Variants in IFT43 observed in about 807,000 individuals in gnomAD.
IFT43 encodes intraflagellar transport 43, also known as intraflagellar transport protein 43 homolog.
Under a neutral mutation model 32.3 loss-of-function variants are expected in IFT43, and 33 were observed. The ratio of observed to expected loss-of-function variants is 1.02; its 90% CI spans 0.77 to 1.37. IFT43 has a LOEUF of 1.37. Ranked by LOEUF, IFT43 falls within the 40% of genes most tolerant of loss-of-function variation. The probability of loss-of-function intolerance (pLI) is 0.00; values close to 1 mark genes in which losing one functional copy is unlikely to be tolerated. For synonymous variants in IFT43, 93 were observed against 98.2 expected (o/e 0.95, Z 0.31); for missense variants, 274 against 265.9 (o/e 1.03, Z -0.21).
chr14:75,988,409 T>G (rs1010516715), intron 1 of IFT43, among the ~76,000 whole-genome samples: 3 of 152,168 alleles, frequency 2.0e-5, no homozygotes, highest in African/African-American at 7.2e-5. Context: ...GTGCTTTGTT[T>G]TAAGGGGTTT....
chr14:76,049,912 T>C (rs2036882205), intron 3 of IFT43, among the ~76,000 whole-genome samples: 1 of 152,206 alleles, frequency 6.6e-6, no homozygotes, highest in African/African-American at 2.4e-5. Flanking sequence ...TGTATGTATT[T>C]ATAGAGTTGA....
Position 76,058,680 on chromosome 14 carries a change from T to A in IFT43, c.248+6T>A, listed in dbSNP as rs1490822888. The A allele has an allele frequency of 6.2e-7, 1 of 1,611,398 alleles. No homozygotes were observed. The highest frequency in any genetic ancestry group is 8.5e-7 in the Non-Finnish European group (1 of 1,178,642). ...GCTTCTGAAGAAATAGAAGAGTACG[T>A]TTCCAGTATTCTTATTCTTATGGTA... On this transcript the variant is annotated splice_donor_region_variant and intron_variant, in intron 4 of 8. Transcript: ENST00000314067.
At chr14:76,049,324 A>G (rs570870051) in intron 3 of IFT43, among the ~76,000 whole-genome samples, 1 of 152,214 alleles carries the variant, frequency 6.6e-6, no homozygotes. Flanking sequence ...CTCCATTTAC[A>G]GCCAGTGTTT....
intron 5 of IFT43, among the ~76,000 whole-genome samples, chr14:76,060,704 A>T (rs1010734137): frequency 6.6e-6 from 1 of 152,002 alleles, no homozygotes; most frequent in Non-Finnish European, 1.5e-5. Flanking sequence ...TGAAAATGTC[A>T]TCTTCAACTT....
chr14:76,029,430 A>G (rs1325310950), intron 3 of IFT43, among the ~76,000 whole-genome samples: 1 of 152,144 alleles, frequency 6.6e-6, no homozygotes, highest in Non-Finnish European at 1.5e-5. Flanking sequence ...CCCTGTTGAT[A>G]GTTTCTCTTG....
rs148957382 is a variant in IFT43, at chr14:76,029,153, T to C, written c.215+6759T>C. On this transcript the variant is annotated intron_variant, in intron 3 of 8. Coordinates refer to ENST00000314067, the MANE Select transcript of IFT43 (RefSeq NM_001102564.3). The stretch of plus-strand genomic sequence containing the variant: ...CTGTTATTTTTTGACTTTTTAACAA[T>C]AGCCATTCTGACAGGTATGAGATGG... Among the ~76,000 whole-genome samples the C allele has an allele frequency of 3.9e-3, 597 of 152,308 alleles. 4 individuals carry two copies. Among genetic ancestry groups the C allele is most frequent in the African/African-American group, 0.013 (549 of 41,576 alleles).
chr14:76,000,038 C>T (rs754475365), intron 2 of IFT43, among the ~76,000 whole-genome samples: 4 of 152,194 alleles, frequency 2.6e-5, no homozygotes, highest in African/African-American at 4.8e-5. Flanking sequence ...GTGATGAAGG[C>T]ATCAACCAAG....
At chr14:76,062,685 G>A (rs985002660) in intron 5 of IFT43, among the ~76,000 whole-genome samples, 1 of 104,232 alleles carries the variant, frequency 9.6e-6, no homozygotes, top group Non-Finnish European at 1.9e-5. Flanking sequence ...GGGAGGCCGA[G>A]GCTGGTGGAT....
intron 3 of IFT43, among the ~76,000 whole-genome samples, chr14:76,036,111 G>T (rs565221020): frequency 6.6e-6 from 1 of 152,270 alleles, no homozygotes; most frequent in African/African-American, 2.4e-5. Context: ...TCCTGCTGCT[G>T]CTGGAGATAA....
At position 76,083,351 on chromosome 14, in the gene IFT43, C is replaced by T. The variant is rs1376987616; in HGVS notation, c.507+62C>T. The T allele has an allele frequency of 2.5e-6, 4 of 1,609,902 alleles. No individual in the cohort carries two copies. In the African/African-American group the frequency reaches 5.3e-5, roughly 22 times the overall value. ...CTGGCATTCCCATAACCAGCCGACT[C>T]CCGGGCTGGCCTGTGCCTCCCTGAG... On this transcript the variant is annotated intron_variant, in intron 8 of 8. Transcript: ENST00000314067.
intron 3 of IFT43, among the ~76,000 whole-genome samples, chr14:76,025,079 A>T (rs2036364519): frequency 6.6e-6 from 1 of 151,978 alleles, no homozygotes; most frequent in Non-Finnish European, 1.5e-5. Flanking sequence ...GTCTTAGATG[A>T]AAGATAAAAA....
chr14:76,082,065 G>A (rs2140098890), intron 5 of IFT43, among the ~76,000 whole-genome samples: 1 of 152,350 alleles, frequency 6.6e-6, no homozygotes. Context: ...CTGGATGCTT[G>A]AGCGTGACCC....
chr14:75,991,427 A>G (rs7158856), intron 2 of IFT43, among the ~76,000 whole-genome samples: 1,952 of 117,382 alleles, frequency 0.017, 43 homozygotes, highest in African/African-American at 0.06. Flanking sequence ...GTGTGTGTGT[A>G]TGTATGTATA....
chr14:76,079,371 C>A (rs1841206676), intron 5 of IFT43, among the ~76,000 whole-genome samples: 1 of 152,178 alleles, frequency 6.6e-6, no homozygotes, highest in South Asian at 2.1e-4. Flanking sequence ...ATATTATATA[C>A]TGATCACAGT....
At chr14:76,019,855 G>A (rs1249527430) in intron 2 of IFT43, among the ~76,000 whole-genome samples, 7 of 151,640 alleles carry the variant, frequency 4.6e-5, no homozygotes, top group Non-Finnish European at 1.0e-4. Context: ...GCTCTTGATT[G>A]TATTTTTTCT....
intron 3 of IFT43, among the ~76,000 whole-genome samples, chr14:76,036,241 T>G (rs549291412): frequency 2.6e-5 from 4 of 152,250 alleles, no homozygotes; most frequent in African/African-American, 9.6e-5. Context: ...TTACTTCCAT[T>G]GTCTCAAAAA....
intron 3 of IFT43, among the ~76,000 whole-genome samples, chr14:76,043,763 C>A (rs567174108): frequency 4.5e-4 from 69 of 152,332 alleles, no homozygotes; most frequent in African/African-American, 1.6e-3. Flanking sequence ...TGGACACTAG[C>A]TGGCTGTTCT....
chr14:75,990,125 G>A (rs2035608215), intron 2 of IFT43, among the ~76,000 whole-genome samples: 1 of 152,226 alleles, frequency 6.6e-6, no homozygotes, highest in African/African-American at 2.4e-5. Context: ...AGGGGGACTG[G>A]GAACTGGAGG....
intron 5 of IFT43, among the ~76,000 whole-genome samples, chr14:76,062,356 C>A (rs1482826782): frequency 6.6e-6 from 1 of 152,048 alleles, no homozygotes; most frequent in Non-Finnish European, 1.5e-5. Flanking sequence ...AGGTGTGAGC[C>A]ACCGCGCCCG....
Sources: allele counts gnomAD v4.1 joint callset (sites outside exome capture counted in the v4.1 genomes callset), GRCh38; gene constraint gnomAD v4.1.1; transcripts MANE v1.5; gene names NCBI Gene and HGNC (gene_info 2026-07-23, HGNC 2026-07-21).